Variants in MGAT4C observed in about 807,000 individuals in gnomAD.
MGAT4C encodes alpha-1,3-mannosyl-glycoprotein 4-beta-N-acetylglucosaminyltransferase C.
MGAT4C carries 19 observed loss-of-function variants against 40.1 expected under a neutral mutation model. That is an observed-to-expected ratio of 0.47 (90% CI 0.33 to 0.70). The LOEUF (loss-of-function observed/expected upper bound fraction) is 0.70, where lower values mean the gene tolerates loss of function less well. MGAT4C is among the 30% of genes least tolerant of loss of function. MGAT4C has a pLI of 0.02. For synonymous variants in MGAT4C, 181 were observed against 187.1 expected, an observed-to-expected ratio of 0.97 and a Z score of 0.27; for missense variants, 491 against 563.2, an observed-to-expected ratio of 0.87 and a Z score of 1.30.
intron 2 of MGAT4C, among the ~76,000 whole-genome samples, chr12:86,457,357 T>C (rs2136292249): frequency 6.6e-6 from 1 of 152,190 alleles, no homozygotes; most frequent in African/African-American, 2.4e-5. Flanking sequence ...TAATACCCAA[T>C]CCTATTTACC....
intron 4 of MGAT4C, among the ~76,000 whole-genome samples, chr12:86,277,043 C>A (rs1316693738): frequency 6.6e-6 from 1 of 152,138 alleles, no homozygotes; most frequent in Non-Finnish European, 1.5e-5. Context: ...AATTTACATT[C>A]CTATCAACAG....
intron 2 of MGAT4C, among the ~76,000 whole-genome samples, chr12:86,509,113 T>G (rs1214101479): frequency 6.6e-6 from 1 of 152,172 alleles, no homozygotes; most frequent in Non-Finnish European, 1.5e-5. Context: ...GCTTTTGGTG[T>G]TTTAGACATG....
rs187408795 is a variant in MGAT4C at position 86,305,898 on chromosome 12, G to T, written c.-57+28167C>A. Among the ~76,000 whole-genome samples, 3 of 150,506 alleles carry T rather than the reference G, an allele frequency of 2.0e-5. No individual in the cohort carries two copies. The South Asian group carries it at 6.2e-4, about 31-fold the overall frequency. ...ATGCGATATCAGTGGATATGGAGGGGTGACTGCACTTACTTACTTTTATAT... is the reference window on the plus strand; with the variant it reads ...ATGCGATATCAGTGGATATGGAGGGTTGACTGCACTTACTTACTTTTATAT... On this transcript the variant is annotated intron_variant, in intron 4 of 7. Transcript: ENST00000548651.
In MGAT4C at chr12:85,975,795, A is replaced by G. The variant is rs1161133367; in HGVS notation, c.*3494T>C. On this transcript the variant is annotated 3_prime_UTR_variant, in exon 5 of 5. Transcript: ENST00000611864. ...AAACGGTAAATCATTTTATCAGTAG[A>G]TCCCATAATAAATATTATAAAGTTT... 1 of 151,126 alleles carries G rather than the reference A, an allele frequency of 6.6e-6. No homozygotes were observed. The highest frequency in any genetic ancestry group is 1.5e-5 in the Non-Finnish European group (1 of 67,178). 9.4% of individuals were successfully genotyped at this position (151,126 alleles called of 1,614,324 possible).
intron 3 of MGAT4C, among the ~76,000 whole-genome samples, chr12:86,351,229 C>G (rs1955154418): frequency 6.6e-6 from 1 of 151,888 alleles, no homozygotes; most frequent in East Asian, 1.9e-4. Flanking sequence ...ACATTTCCTT[C>G]TTGTGAGACT....
rs1000545000 is a variant in MGAT4C, at chr12:85,976,132, T to C, written c.*3157A>G. On this transcript the variant is annotated 3_prime_UTR_variant, in exon 5 of 5. Coordinates refer to ENST00000611864, the MANE Select transcript of MGAT4C (RefSeq NM_001351288.2). ...ATTATTATACAGAACAGTTTTTCTA[T>C]GATAGCATTATAAAAATTCCCAGAG... 6.6e-6 allele frequency: 1 copy of C among 151,096 alleles called. No homozygotes were observed. The highest frequency in any genetic ancestry group is 2.4e-5 in the African/African-American group (1 of 41,354). The allele number at this position is 151,096 out of a possible 1,614,324, so 9.4% of individuals were successfully genotyped here. A position where few individuals can be genotyped will look rare whatever the true frequency, so the allele number is the denominator to read the frequency against.
chr12:86,222,306 A>G (rs953247265), intron 1 of MGAT4C, among the ~76,000 whole-genome samples: 4 of 152,246 alleles, frequency 2.6e-5, no homozygotes, highest in Non-Finnish European at 5.9e-5. Flanking sequence ...CCAAATTTAC[A>G]GGCTTTCGAA....
At chr12:86,476,438 T>C (rs1957836619) in intron 2 of MGAT4C, among the ~76,000 whole-genome samples, 1 of 152,012 alleles carries the variant, frequency 6.6e-6, no homozygotes. Context: ...CAGATGCTGG[T>C]GAGGCTTTGG....
At chr12:86,070,826 T>C (rs989862989) in intron 1 of MGAT4C, among the ~76,000 whole-genome samples, 1 of 152,180 alleles carries the variant, frequency 6.6e-6, no homozygotes, top group Admixed American at 6.6e-5. Context: ...ATGTAGTTAA[T>C]TATTGATTTT....
chr12:86,311,120 G>C (rs1425567765), intron 4 of MGAT4C, among the ~76,000 whole-genome samples: 1 of 152,208 alleles, frequency 6.6e-6, no homozygotes, highest in Non-Finnish European at 1.5e-5. Context: ...CAATAGTGGT[G>C]TGTTCTGAGA....
chr12:86,601,019 C>T (rs1314927637), intron 2 of MGAT4C, among the ~76,000 whole-genome samples: 2 of 152,244 alleles, frequency 1.3e-5, no homozygotes, highest in African/African-American at 4.8e-5. Context: ...AGTGCTGACA[C>T]GCCAGCTCCC....
Position 85,987,415 on chromosome 12 carries a change from G to A in MGAT4C, c.147+1985C>T, listed in dbSNP as rs377597150. ...GCCTCCCAAAGTGCTGGGATTACAG[G>A]CGTGAGCCACCGCGCCCGGCCAATA... On this transcript the variant is annotated intron_variant, in intron 3 of 4. Coordinates refer to ENST00000611864, the MANE Select transcript of MGAT4C (RefSeq NM_001351288.2). Among the ~76,000 whole-genome samples the A allele has an allele frequency of 1.4e-3, 213 of 152,084 alleles. 1 individual carries two copies. Among genetic ancestry groups the A allele is most frequent in the African/African-American group, 5.0e-3 (207 of 41,518 alleles).
chr12:86,781,039 T>C lies in MGAT4C; in HGVS notation c.-261-53798A>G, dbSNP rs932630479. 2.0e-5 allele frequency among the ~76,000 whole-genome samples: 3 copies of C among 152,022 alleles called. 1 individual carries two copies. Among genetic ancestry groups the C allele is most frequent in the African/African-American group, 7.3e-5 (3 of 41,342 alleles). On this transcript the variant is annotated intron_variant, in intron 1 of 7. Transcript: ENST00000548651. ...GTGTGTGTGTGTGTGTGTGTGTGTATGTATGTCACATTTCCTTTTTCTTAT... is the reference window on the plus strand; with the variant it reads ...GTGTGTGTGTGTGTGTGTGTGTGTACGTATGTCACATTTCCTTTTTCTTAT...
chr12:86,307,345 T>C (rs1953959477), intron 4 of MGAT4C, among the ~76,000 whole-genome samples: 1 of 149,810 alleles, frequency 6.7e-6, no homozygotes, highest in African/African-American at 2.5e-5. Flanking sequence ...CATTGCTACA[T>C]TGTTTATAAT....
chr12:86,202,175 A>G (rs1950078041), intron 1 of MGAT4C, among the ~76,000 whole-genome samples: 1 of 152,116 alleles, frequency 6.6e-6, no homozygotes, highest in South Asian at 2.1e-4. Context: ...GAGAACTCAC[A>G]TTCTTGCCTT....
intron 1 of MGAT4C, among the ~76,000 whole-genome samples, chr12:86,207,411 A>C (rs1451655192): frequency 1.3e-5 from 2 of 152,006 alleles, no homozygotes; most frequent in Non-Finnish European, 2.9e-5. Flanking sequence ...TGCATGCATT[A>C]GGTATTTGTC....
At chr12:86,834,940 A>G (rs1953006207) in intron 1 of MGAT4C, among the ~76,000 whole-genome samples, 1 of 151,930 alleles carries the variant, frequency 6.6e-6, no homozygotes, top group South Asian at 2.1e-4. Flanking sequence ...TTTCCTGTAA[A>G]GCACCTTCAA....
intron 1 of MGAT4C, among the ~76,000 whole-genome samples, chr12:86,073,721 A>G (rs186161054): frequency 2.6e-5 from 4 of 152,204 alleles, no homozygotes; most frequent in African/African-American, 9.6e-5. Flanking sequence ...GAACAGCTGC[A>G]TTTACCCAAT....
At chr12:86,321,191 T>A (rs1954376918) in intron 4 of MGAT4C, among the ~76,000 whole-genome samples, 1 of 152,106 alleles carries the variant, frequency 6.6e-6, no homozygotes, top group Non-Finnish European at 1.5e-5. Context: ...AATCTATGTG[T>A]GAAAAATTAT....
Sources: gnomAD v4.1 joint callset for allele counts (sites outside exome capture counted in the v4.1 genomes callset) on GRCh38, gnomAD v4.1.1 for gene constraint, MANE v1.5 for transcripts, NCBI Gene and HGNC (gene_info 2026-07-23, HGNC 2026-07-21) for gene names.